UBAC2: variants seen among roughly 807,000 people sequenced by gnomAD.
UBAC2 encodes the protein UBA domain containing 2.
A neutral mutation model predicts 44.0 loss-of-function variants in UBAC2; 26 were observed. That is an observed-to-expected ratio of 0.59 (90% CI 0.43 to 0.82). The LOEUF (loss-of-function observed/expected upper bound fraction) is 0.82, where lower values mean the gene tolerates loss of function less well. UBAC2 is among the 40% of genes least tolerant of loss of function. UBAC2 has a pLI of 0.00. For missense variants in UBAC2, 329 were observed against 419.4 expected, an observed-to-expected ratio of 0.78 and a Z score of 1.88; for synonymous variants, 155 against 154.3, an observed-to-expected ratio of 1.00 and a Z score of -0.04.
chr13:99,250,872 G>C (rs138891830), intron 4 of UBAC2, among the ~76,000 whole-genome samples: 1 of 151,802 alleles, frequency 6.6e-6, no homozygotes. Context: ...TCAGCCTCCC[G>C]AGTAGCTGGG....
intron 4 of UBAC2, among the ~76,000 whole-genome samples, chr13:99,303,689 C>T (rs1266579831): frequency 2.0e-5 from 3 of 152,130 alleles, no homozygotes; most frequent in Admixed American, 2.0e-4. Context: ...CCTCTGAGTC[C>T]TGAATGTTTC....
At chr13:99,220,374 A>T (rs746017784) in intron 1 of UBAC2, among the ~76,000 whole-genome samples, 2 of 152,212 alleles carry the variant, frequency 1.3e-5, no homozygotes, top group Non-Finnish European at 2.9e-5. Flanking sequence ...AGATGGTATT[A>T]CATGTAAAGT....
At chr13:99,345,299 T>C (rs1299831747) in intron 7 of UBAC2, among the ~76,000 whole-genome samples, 1 of 150,940 alleles carries the variant, frequency 6.6e-6, no homozygotes, top group Non-Finnish European at 1.5e-5. Flanking sequence ...AATTGTTTAT[T>C]CAGTAACAAA....
At chr13:99,321,643 G>T (rs1407525441) in intron 6 of UBAC2, among the ~76,000 whole-genome samples, 1 of 152,096 alleles carries the variant, frequency 6.6e-6, no homozygotes, top group African/African-American at 2.4e-5. Flanking sequence ...CCTTATTCTT[G>T]CATAATTATA....
At chr13:99,356,605 C>T (rs1271356287) in intron 7 of UBAC2, among the ~76,000 whole-genome samples, 1 of 152,140 alleles carries the variant, frequency 6.6e-6, no homozygotes, top group South Asian at 2.1e-4. Context: ...TTTGTTCAAG[C>T]GATCATCTCC....
intron 8 of UBAC2, among the ~76,000 whole-genome samples, chr13:99,376,400 ACCT>A (rs980601677): frequency 1.1e-4 from 16 of 152,048 alleles, no homozygotes; most frequent in Admixed American, 5.2e-4. Flanking sequence ...CACCCTGGAC[ACCT>A]CCAAGAGGGT....
At chr13:99,216,919 C>T (rs1054432052) in intron 1 of UBAC2, among the ~76,000 whole-genome samples, 2 of 151,264 alleles carry the variant, frequency 1.3e-5, no homozygotes, top group African/African-American at 4.9e-5. Context: ...CAAACTCTGC[C>T]TCTTGGGTTC....
intron 1 of UBAC2, among the ~76,000 whole-genome samples, chr13:99,222,552 G>A (rs916498803): frequency 6.6e-6 from 1 of 152,246 alleles, no homozygotes; most frequent in Non-Finnish European, 1.5e-5. Context: ...TTACATAGCA[G>A]TAAGTGGTCA....
chr13:99,318,543 A>G (rs1405073788), intron 6 of UBAC2, among the ~76,000 whole-genome samples: 1 of 150,762 alleles, frequency 6.6e-6, no homozygotes, highest in African/African-American at 2.4e-5. Flanking sequence ...AGTCACGGCC[A>G]GGCGCAGTGA....
chr13:99,349,667 C>T (rs2045049559), intron 7 of UBAC2, among the ~76,000 whole-genome samples: 2 of 152,204 alleles, frequency 1.3e-5, no homozygotes, highest in South Asian at 4.1e-4. Flanking sequence ...TCAGCGTTTT[C>T]TTCTATGCAC....
At chr13:99,265,204 C>T (rs1001368106) in intron 4 of UBAC2, among the ~76,000 whole-genome samples, 3 of 152,166 alleles carry the variant, frequency 2.0e-5, no homozygotes, top group African/African-American at 7.2e-5. Flanking sequence ...ATATTTGCAG[C>T]AATGTTATCT....
chr13:99,317,485 C>T (rs933131149), intron 5 of UBAC2, among the ~76,000 whole-genome samples: 33 of 152,096 alleles, frequency 2.2e-4, no homozygotes, highest in Non-Finnish European at 1.5e-5. Flanking sequence ...GTTTGCTCTT[C>T]CTTGGGTGAA....
At chr13:99,377,398 G>T (rs1254465058) in intron 8 of UBAC2, 2 of 152,236 alleles carry the variant, frequency 1.3e-5, no homozygotes, top group Non-Finnish European at 2.9e-5. Context: ...TGTTAGATCG[G>T]ATCAGGTGCT....
intron 1 of UBAC2, among the ~76,000 whole-genome samples, chr13:99,205,438 C>T (rs191427018): frequency 9.8e-4 from 149 of 152,194 alleles, no homozygotes; most frequent in African/African-American, 3.3e-3. Flanking sequence ...GTCCCAGCTG[C>T]AAAAAAATCA....
At chr13:99,281,669 GA>G (rs1401626774) in intron 4 of UBAC2, among the ~76,000 whole-genome samples, 3 of 152,236 alleles carry the variant, frequency 2.0e-5, no homozygotes, top group Non-Finnish European at 4.4e-5. Flanking sequence ...ACAAGAGGAA[GA>G]GGCTTTTCTT....
At chr13:99,221,991 A>G (rs1408885029) in intron 1 of UBAC2, among the ~76,000 whole-genome samples, 1 of 152,166 alleles carries the variant, frequency 6.6e-6, no homozygotes, top group Non-Finnish European at 1.5e-5. Context: ...CTTCTGTATA[A>G]ATCTGAGAAG....
At chr13:99,355,577 C>CTA (rs1566519117) in intron 7 of UBAC2, among the ~76,000 whole-genome samples, 1 of 152,258 alleles carries the variant, frequency 6.6e-6, no homozygotes, top group Non-Finnish European at 1.5e-5. Context: ...CACAGAGCAG[C>CTA]CTTAGCATTC....
At chr13:99,356,630 A>G (rs1305731400) in intron 7 of UBAC2, among the ~76,000 whole-genome samples, 3 of 152,180 alleles carry the variant, frequency 2.0e-5, no homozygotes, top group African/African-American at 7.2e-5. Flanking sequence ...CCTCTAGTTT[A>G]TTATTTTTTC....
At chr13:99,369,981 A>G (rs1473464374) in intron 8 of UBAC2, among the ~76,000 whole-genome samples, 2 of 152,232 alleles carry the variant, frequency 1.3e-5, no homozygotes, top group Non-Finnish European at 2.9e-5. Context: ...CTTGGGAGTC[A>G]TGCTGCCCAA....
Sources: gnomAD v4.1 joint callset for allele counts (sites outside exome capture counted in the v4.1 genomes callset) on GRCh38, gnomAD v4.1.1 for gene constraint, MANE v1.5 for transcripts, NCBI Gene and HGNC (gene_info 2026-07-23, HGNC 2026-07-21) for gene names.